The following TEFM variants were observed in gnomAD, a reference collection of about 807,000 sequenced individuals.
TEFM encodes transcription elongation factor, mitochondrial, also known as transcription elongation factor of mitochondria.
Under a neutral mutation model 23.0 loss-of-function variants are expected in TEFM, and 14 were observed. That is an observed-to-expected ratio of 0.61 (90% CI 0.40 to 0.95). The LOEUF is 0.95. TEFM is among the 40% of genes least tolerant of loss of function. The probability of loss-of-function intolerance (pLI) is 0.00; values close to 1 mark genes in which losing one functional copy is unlikely to be tolerated. For synonymous variants in TEFM, 155 were observed against 158.3 expected (o/e 0.98, Z 0.16); for missense variants, 386 against 425.5 (o/e 0.91, Z 0.82).
At chr17:30,905,466 G>A (rs984789578) in intron 1 of TEFM, among the ~76,000 whole-genome samples, 6 of 150,454 alleles carry the variant, frequency 4.0e-5, no homozygotes, top group African/African-American at 1.5e-4. Context: ...GTTGCGGTGA[G>A]CCGAGATCGC....
rs1910032818 is a variant in TEFM at position 30,900,856 on chromosome 17, T to G, written c.496-294A>C. On this transcript the variant is annotated intron_variant, in intron 2 of 3. Coordinates refer to ENST00000581216, the MANE Select transcript of TEFM (RefSeq NM_024683.4). ...CTCCTGATCTCATGATCCACCTGCC[T>G]TGACCTCCCAAAGAGCTAGGATTAC... 2.6e-5 allele frequency among the ~76,000 whole-genome samples: 4 copies of G among 152,166 alleles called. No individual in the cohort carries two copies. In the South Asian group the frequency reaches 8.3e-4, roughly 32 times the overall value.
chr17:30,902,324 CT>C (rs1910062192), intron 2 of TEFM, among the ~76,000 whole-genome samples: 1 of 152,156 alleles, frequency 6.6e-6, no homozygotes, highest in South Asian at 2.1e-4. Context: ...TACAGACTTC[CT>C]TTTGGTTTTC....
rs756626215 is a variant in TEFM, at chr17:30,904,507, G to A, written c.54C>T (p.Thr18=). Residue 18 remains threonine, a synonymous_variant, in exon 2 of 4, where the codon ACC becomes ACT. Coordinates refer to ENST00000581216, the MANE Select transcript of TEFM (RefSeq NM_024683.4). The stretch of plus-strand genomic sequence containing the variant: ...CCCAGTACAGGGATGACCTCGACGG[G>A]GTCAGAAAGCATCTCCACCTCTCTA... ...TAGERWRCFL[T]PSRSSLYWAL... 5 of 1,606,392 alleles carry A rather than the reference G, an allele frequency of 3.1e-6. No individual in the cohort carries two copies. Among genetic ancestry groups the A allele is most frequent in the Non-Finnish European group, 4.3e-6 (5 of 1,175,834 alleles).
chr17:30,900,776 A>ATTT (rs11452879), intron 2 of TEFM, among the ~76,000 whole-genome samples: 16 of 143,884 alleles, frequency 1.1e-4, no homozygotes, highest in South Asian at 8.7e-4. Flanking sequence ...TAATTTTTTT[A>ATTT]TTTTTTTTTT....
In TEFM at chr17:30,900,611, T is replaced by C. The variant is rs961253681; in HGVS notation, c.496-49A>G. On this transcript the variant is annotated intron_variant, in intron 2 of 3. Transcript: ENST00000581216. ...TAGAAGTATAAACATTTTAGTTTTTTCTTTTTTTGAGACGGAGTCTCGCTC... is the reference window on the plus strand; with the variant it reads ...TAGAAGTATAAACATTTTAGTTTTTCCTTTTTTTGAGACGGAGTCTCGCTC... 1.0e-5 allele frequency: 16 copies of C among 1,559,336 alleles called. No individual in the cohort carries two copies. The African/African-American group carries it at 1.8e-4, about 17-fold the overall frequency.
chr17:30,899,372 T>G lies in TEFM; in HGVS notation c.880A>C (p.Thr294Pro). ...HFELMIGDSR[T>P]SGKELVKQFL... is the part of the protein sequence containing the mutation. ...TGCTTCACTAGCTCTTTTCCACTAG[T>G]CCGGGAGTCACCAATCATCAGTTCA... The change falls in exon 4 of 4, where the codon ACT becomes CCT. Residue 294 changes from threonine (T) to proline (P), a missense_variant. Thr to Pro is a conservative substitution (Grantham distance 38). Transcript: ENST00000581216. 2 of 1,614,184 alleles carry G rather than the reference T, an allele frequency of 1.2e-6. No individual in the cohort carries two copies. The highest frequency in any genetic ancestry group is 1.7e-6 in the Non-Finnish European group (2 of 1,180,018).
Position 30,900,509 on chromosome 17 carries a change from AG to A in TEFM, c.548del (p.Ala183ValfsTer7), listed in dbSNP as rs549546116. ...IVFGTRRIAW[A>X]HLDRKLTVLD... The stretch of plus-strand genomic sequence containing the variant: ...GCACTGTCAACTTACGATCAAGGTG[AG>A]CCCAGGCAATTCTTCGAGTACCAAA... On this transcript the variant is annotated frameshift_variant, in exon 3 of 4. Coordinates refer to ENST00000581216, the MANE Select transcript of TEFM (RefSeq NM_024683.4). LOFTEE classifies it high-confidence loss of function. The A allele has an allele frequency of 6.2e-7, 1 of 1,614,212 alleles. No homozygotes were observed. The highest frequency in any genetic ancestry group is 1.1e-5 in the South Asian group (1 of 91,086).
At chr17:30,903,089 G>T in intron 2 of TEFM, among the ~76,000 whole-genome samples, 1 of 124,958 alleles carries the variant, frequency 8.0e-6, no homozygotes. Context: ...GTTGTTGTGA[G>T]ATCATGCCAC....
chr17:30,899,356 A>C lies in TEFM; in HGVS notation c.896T>G (p.Leu299Arg), dbSNP rs780079396. Residue 299 changes from leucine to arginine, a missense_variant, in exon 4 of 4, where the codon CTA (leucine) becomes CGA (arginine). Transcript: ENST00000581216. ...IGDSRTSGKE[L>R]VKQFLFDSIL... The stretch of plus-strand genomic sequence containing the variant: ...AGAATCGAAGAGAAACTGCTTCACT[A>C]GCTCTTTTCCACTAGTCCGGGAGTC... 1.2e-6 allele frequency: 2 copies of C among 1,614,202 alleles called. No homozygotes were observed. Among genetic ancestry groups the C allele is most frequent in the Non-Finnish European group, 1.7e-6 (2 of 1,180,026 alleles).
rs201430257 is a variant in TEFM at position 30,900,583 on chromosome 17, A to T, written c.496-21T>A. ...ACTGCCTAAAAGAAAAGACTGATTT[A>T]ATTAGAAGTATAAACATTTTAGTTT... is the stretch of plus-strand genomic sequence containing the variant. On this transcript the variant is annotated intron_variant, in intron 2 of 3. Transcript: ENST00000581216. 1,281 of 1,600,368 alleles carry T rather than the reference A, an allele frequency of 8.0e-4. 3 individuals carry two copies. Among genetic ancestry groups the T allele is most frequent in the Non-Finnish European group, 9.7e-4 (1,133 of 1,172,212 alleles).
At chr17:30,900,732 G>A (rs1910025836) in intron 2 of TEFM, among the ~76,000 whole-genome samples, 170 bp from the exon 3 acceptor site, 1 of 151,612 alleles carries the variant, frequency 6.6e-6, no homozygotes, top group Non-Finnish European at 1.5e-5. Flanking sequence ...CTCCCGACTA[G>A]CTGGGACTAC....
chr17:30,901,676 C>T (rs1376674504), intron 2 of TEFM, among the ~76,000 whole-genome samples: 1 of 152,092 alleles, frequency 6.6e-6, no homozygotes, highest in Non-Finnish European at 1.5e-5. Flanking sequence ...AGGTAAGTAA[C>T]TTGCTTTATC....
chr17:30,905,848 C>G (rs1382273430), intron 1 of TEFM, among the ~76,000 whole-genome samples: 1 of 152,134 alleles, frequency 6.6e-6, no homozygotes, highest in Non-Finnish European at 1.5e-5. Context: ...AGGAGCCACC[C>G]GTGGACCCTG....
chr17:30,899,464 T>G lies in TEFM; in HGVS notation c.788A>C (p.Lys263Thr), dbSNP rs1909990675. ...ATGCTGCCCATCCTGGGCAAAAGTT[T>G]TATTTAATAAGGCATACAGCATGGC... Reference protein sequence around the residue: ...MEAMLYALLNKTFAQDGQHQV... With the variant: ...MEAMLYALLNTTFAQDGQHQV... The change falls in exon 4 of 4, where the codon AAA becomes ACA. Residue 263 changes from lysine to threonine, a missense_variant. By Grantham distance (78) the Lys-to-Thr change is moderately conservative (BLOSUM62 -1). Coordinates refer to ENST00000581216, the MANE Select transcript of TEFM (RefSeq NM_024683.4). 1.2e-6 allele frequency: 2 copies of G among 1,614,086 alleles called. No individual in the cohort carries two copies. Among genetic ancestry groups the G allele is most frequent in the African/African-American group, 1.3e-5 (1 of 74,936 alleles).
In TEFM at chr17:30,900,399, T is replaced by C; in HGVS notation, c.645+14A>G. 3 of 1,612,868 alleles carry C rather than the reference T, an allele frequency of 1.9e-6. No homozygotes were observed. The highest frequency in any genetic ancestry group is 1.7e-6 in the Non-Finnish European group (2 of 1,179,258). On this transcript the variant is annotated intron_variant, in intron 3 of 3. Transcript: ENST00000581216. ...GCTCTAGCAGGTAGGAATCTGGAGG[T>C]GCAACTGCCTTACCTCTTCTAAATA... is the stretch of plus-strand genomic sequence containing the variant.
chr17:30,899,552 T>C lies in TEFM; in HGVS notation c.700A>G (p.Thr234Ala). The change falls in exon 4 of 4, where the codon ACA (threonine) becomes GCA (alanine). Residue 234 changes from threonine (T) to alanine (A), a missense_variant. Coordinates refer to ENST00000581216, the MANE Select transcript of TEFM (RefSeq NM_024683.4). ...PKADFYVLEK[T>A]GLSIQNSSLF... ...GATGAGTTCTGAATGGAAAGTCCTG[T>C]TTTTTCCAGAACATAGAAATCTGCT... The C allele has an allele frequency of 1.2e-6, 2 of 1,600,598 alleles. No homozygotes were observed. Among genetic ancestry groups the C allele is most frequent in the East Asian group, 2.2e-5 (1 of 44,678 alleles).
intron 2 of TEFM, 67 bp from the exon 3 acceptor site, chr17:30,900,629 T>A (rs1910021956): frequency 7.2e-7 from 1 of 1,386,666 alleles, no homozygotes; most frequent in Non-Finnish European, 9.9e-7. Context: ...TGAGACGGAG[T>A]CTCGCTCTGT....
In TEFM at chr17:30,904,143, G is replaced by A. The variant is rs779707509; in HGVS notation, c.418C>T (p.Arg140Trp). The change falls in exon 2 of 4, where the codon CGG (arginine) becomes TGG (tryptophan). Residue 140 changes from arginine to tryptophan, a missense_variant. By Grantham distance (101) the Arg-to-Trp change is moderately radical. Transcript: ENST00000581216. Reference sequence around the variant, plus strand: ...TTTTCCGGTGACTTTCTTTTTTCCCGTCCAGTCTTTGGACAAAGTATGGAG... The same window carrying A: ...TTTTCCGGTGACTTTCTTTTTTCCCATCCAGTCTTTGGACAAAGTATGGAG... ...CNSILCPKTG[R>W]EKRKSPENRF... The A allele has an allele frequency of 1.8e-5, 29 of 1,613,832 alleles. No individual in the cohort carries two copies. Among genetic ancestry groups the A allele is most frequent in the Non-Finnish European group, 2.2e-5 (26 of 1,179,970 alleles).
chr17:30,902,163 C>G (rs535137182), intron 2 of TEFM, among the ~76,000 whole-genome samples: 1 of 152,282 alleles, frequency 6.6e-6, no homozygotes, highest in South Asian at 2.1e-4. Flanking sequence ...CACCTTTCCC[C>G]AACATGGCTC....
Sources: gnomAD v4.1 joint callset for allele counts (sites outside exome capture counted in the v4.1 genomes callset) on GRCh38, gnomAD v4.1.1 for gene constraint, MANE v1.5 for transcripts, NCBI Gene and HGNC (gene_info 2026-07-23, HGNC 2026-07-21) for gene names.